Variants in IFIH1 observed in about 807,000 individuals in gnomAD.
The protein encoded by IFIH1 is interferon-induced helicase C domain-containing protein 1.
IFIH1 carries 125 observed loss-of-function variants against 107.4 expected under a neutral mutation model. That is an observed-to-expected ratio of 1.16 (90% CI 1.01 to 1.35). The LOEUF (loss-of-function observed/expected upper bound fraction) is 1.35. IFIH1 is among the 40% of genes most tolerant of loss of function. The probability of loss-of-function intolerance (pLI) is 0.00; values close to 1 mark genes in which losing one functional copy is unlikely to be tolerated. For synonymous variants in IFIH1, 458 were observed against 413.2 expected (o/e 1.11, Z -1.31); for missense variants, 1,333 against 1,213.7 (o/e 1.10, Z -1.46).
chr2:162,314,484 CT>C (rs557941465), intron 1 of IFIH1, among the ~76,000 whole-genome samples: 1 of 96,964 alleles, frequency 1.0e-5, no homozygotes, highest in South Asian at 2.9e-4. Flanking sequence ...TTCTTTCTTT[CT>C]TTTTCTTTCT....
Position 162,278,255 on chromosome 2 carries a change from T to C in IFIH1, c.1715A>G (p.Asp572Gly). The C allele has an allele frequency of 6.3e-7, 1 of 1,595,730 alleles. No homozygotes were observed. Among genetic ancestry groups the C allele is most frequent in the Non-Finnish European group, 8.6e-7 (1 of 1,168,170 alleles). The change falls in exon 9 of 16, where the codon GAT becomes GGT. Residue 572 changes from aspartate (D) to glycine (G), a missense_variant. By Grantham distance (94) the Asp-to-Gly change is moderately conservative (BLOSUM62 -1). Transcript: ENST00000649979. ...TTGTTCATAGGGTTGAGTTCCAAAATCTGACATTGGACTCATTTGACAATA... is the reference window on the plus strand; with the variant it reads ...TTGTTCATAGGGTTGAGTTCCAAAACCTGACATTGGACTCATTTGACAATA... ...QTYCQMSPMS[D>G]FGTQPYEQWA...
chr2:162,268,869 G>A (rs929244575), intron 13 of IFIH1, among the ~76,000 whole-genome samples: 5 of 152,146 alleles, frequency 3.3e-5, no homozygotes, highest in Admixed American at 2.6e-4. Flanking sequence ...GATTGCAGGT[G>A]TGAGCCACTG....
Position 162,277,529 on chromosome 2 carries a change from C to T in IFIH1, c.1930G>A (p.Asp644Asn), listed in dbSNP as rs1553459020. ...TCATCATCACCACCCTCATCACTAT[C>T]ATCTTCTATGACTGCAAACTTCTTA... ...KDKKFAVIED[D>N]SDEGGDDEYC... Residue 644 changes from aspartate to asparagine, a missense_variant, in exon 10 of 16, where the codon GAT becomes AAT. Transcript: ENST00000649979. 1.9e-6 allele frequency: 3 copies of T among 1,589,856 alleles called. No homozygotes were observed. Among genetic ancestry groups the T allele is most frequent in the Non-Finnish European group, 2.6e-6 (3 of 1,158,246 alleles).
At position 162,267,541 on chromosome 2, in the gene IFIH1, C is replaced by T. The variant is rs1990760; in HGVS notation, c.2836G>A (p.Ala946Thr). 898,693 of 1,609,886 alleles carry T rather than the reference C, an allele frequency of 0.56. 262,583 individuals carry two copies. Among genetic ancestry groups the T allele is most frequent in the Non-Finnish European group, 0.61 (716,055 of 1,176,270 alleles). Residue 946 changes from alanine to threonine, a missense_variant, in exon 15 of 16, where the codon GCA (alanine) becomes ACA (threonine). Transcript: ENST00000649979. ...KELYIVRENKALQKKCADYQI... is the reference protein window; with the variant it reads ...KELYIVRENKTLQKKCADYQI... ...TAGTCGGCACACTTCTTTTGCAGTG[C>T]TTTGTTTTCTCTTACAATGTAAAGT...
In IFIH1 at chr2:162,307,713, T is replaced by G. The variant is rs993402812; in HGVS notation, c.623-858A>C. On this transcript the variant is annotated intron_variant, in intron 2 of 15. Transcript: ENST00000649979. Reference sequence around the variant, plus strand: ...CTCATCTTAAAGAACCCAGTGAAAATGTGCCCCACTTTGTATGGAAAATTT... The same window carrying G: ...CTCATCTTAAAGAACCCAGTGAAAAGGTGCCCCACTTTGTATGGAAAATTT... 3.9e-5 allele frequency among the ~76,000 whole-genome samples: 6 copies of G among 152,194 alleles called. No homozygotes were observed. In the South Asian group the frequency reaches 1.2e-3, roughly 32 times the overall value.
In IFIH1 at chr2:162,293,572, C is replaced by A. The variant is rs1683036042; in HGVS notation, c.866G>T (p.Ser289Ile). 1.2e-6 allele frequency: 2 copies of A among 1,606,562 alleles called. No individual in the cohort carries two copies. The highest frequency in any genetic ancestry group is 2.7e-5 in the African/African-American group (2 of 74,668). ...CAACAGTTAGGCAGTACCTGAATCACTTCCCATGGTGCCTGAATCACTGCC... is the reference window on the plus strand; with the variant it reads ...CAACAGTTAGGCAGTACCTGAATCAATTCCCATGGTGCCTGAATCACTGCC... ...NMGSDSGTMG[S>I]DSDEENVAAR... The change falls in exon 4 of 16, where the codon AGT (serine) becomes ATT (isoleucine). Residue 289 changes from serine to isoleucine, a missense_variant. Physicochemically the swap from Ser to Ile is moderately radical, Grantham distance 142. Transcript: ENST00000649979.
chr2:162,273,057 C>T (rs1194996764), intron 12 of IFIH1, among the ~76,000 whole-genome samples: 1 of 152,102 alleles, frequency 6.6e-6, no homozygotes, highest in Non-Finnish European at 1.5e-5. Flanking sequence ...AAATTATTTG[C>T]TAATTTGATG....
intron 13 of IFIH1, among the ~76,000 whole-genome samples, chr2:162,270,074 T>C (rs928907947): frequency 6.6e-6 from 1 of 152,180 alleles, no homozygotes; most frequent in Non-Finnish European, 1.5e-5. Flanking sequence ...TATGGATTTG[T>C]AATCAGGACA....
rs2105230409 is a variant in IFIH1, at chr2:162,310,757, A to G, written c.622+8T>C. 1 of 1,611,100 alleles carries G rather than the reference A, an allele frequency of 6.2e-7. No homozygotes were observed. The highest frequency in any genetic ancestry group is 8.5e-7 in the Non-Finnish European group (1 of 1,177,638). On this transcript the variant is annotated splice_region_variant and intron_variant, in intron 2 of 15. Coordinates refer to ENST00000649979, the MANE Select transcript of IFIH1 (RefSeq NM_022168.4). ...TTGAAGAATCTTCCTCAGTAAAATT[A>G]CAAATACCTGCATTGCTTTCTGAGC...
At chr2:162,293,807 G>T (rs1219591169) in intron 3 of IFIH1, 139 bp from the exon 4 acceptor site, 6 of 550,564 alleles carry the variant, frequency 1.1e-5, no homozygotes, top group Non-Finnish European at 1.9e-5. Context: ...TGAATAAAAG[G>T]TAAGCGCTTC....
At chr2:162,271,090 T>C (rs1691026826) in intron 13 of IFIH1, among the ~76,000 whole-genome samples, 1 of 152,172 alleles carries the variant, frequency 6.6e-6, no homozygotes, top group African/African-American at 2.4e-5. Context: ...TGAAATACTA[T>C]AGAAATACAT....
At chr2:162,277,270 G>A in intron 10 of IFIH1, 145 bp downstream of exon 10, 1 of 635,196 alleles carries the variant, frequency 1.6e-6, no homozygotes, top group South Asian at 2.1e-5. Context: ...TAGCTAATCT[G>A]GTCATATCAT....
rs866291156 is a variant in IFIH1 at position 162,301,589 on chromosome 2, G to T, written c.769+5120C>A. ...TCCTAAAATAGTATAATGAAAAAAGGTTAATGTGAAGTAACTATTCACTTG... is the reference window on the plus strand; with the variant it reads ...TCCTAAAATAGTATAATGAAAAAAGTTTAATGTGAAGTAACTATTCACTTG... On this transcript the variant is annotated intron_variant, in intron 3 of 15. Transcript: ENST00000649979. 7.2e-5 allele frequency among the ~76,000 whole-genome samples: 11 copies of T among 152,318 alleles called. No individual in the cohort carries two copies. The Middle Eastern group carries it at 0.01, about 141-fold the overall frequency.
At chr2:162,286,572 T>G (rs145637474) in intron 5 of IFIH1, among the ~76,000 whole-genome samples, 1 of 151,954 alleles carries the variant, frequency 6.6e-6, no homozygotes, top group African/African-American at 2.4e-5. Flanking sequence ...GGGGGCTGCA[T>G]GCTTTGGAGG....
intron 13 of IFIH1, among the ~76,000 whole-genome samples, chr2:162,269,354 G>T (rs1054446714): frequency 2.0e-5 from 3 of 152,136 alleles, no homozygotes; most frequent in African/African-American, 7.2e-5. Context: ...TCGACCATGA[G>T]AATGAAAGCC....
chr2:162,315,434 A>G (rs1456994607), intron 1 of IFIH1, among the ~76,000 whole-genome samples: 2 of 152,214 alleles, frequency 1.3e-5, no homozygotes, highest in African/African-American at 4.8e-5. Flanking sequence ...CAATTGCGAC[A>G]TGGGGAATTT....
intron 1 of IFIH1, among the ~76,000 whole-genome samples, chr2:162,312,312 G>A (rs1448236599): frequency 6.6e-6 from 1 of 152,088 alleles, no homozygotes; most frequent in Non-Finnish European, 1.5e-5. Context: ...TTCCGTCTTA[G>A]CATCTAGTAG....
At chr2:162,272,142 G>A (rs1691051477) in intron 13 of IFIH1, 84 bp downstream of exon 13, 1 of 1,097,306 alleles carries the variant, frequency 9.1e-7, no homozygotes, top group Non-Finnish European at 1.4e-6. Context: ...ATTTTTGTCT[G>A]GAGAATGAGT....
At position 162,268,289 on chromosome 2, in the gene IFIH1, A is replaced by G; in HGVS notation, c.2617-12T>C. ...TGTAATTCCAAAATCTGGACAGAGA[A>G]AGGAATAGTTAGTGGTTTCAGGTTT... is the stretch of plus-strand genomic sequence containing the variant. On this transcript the variant is annotated splice_polypyrimidine_tract_variant and intron_variant, in intron 13 of 15. Transcript: ENST00000649979. 6.4e-7 allele frequency: 1 copy of G among 1,568,996 alleles called. No individual in the cohort carries two copies. Among genetic ancestry groups the G allele is most frequent in the Non-Finnish European group, 8.7e-7 (1 of 1,144,324 alleles).
Sources: gnomAD v4.1 joint callset for allele counts (sites outside exome capture counted in the v4.1 genomes callset) on GRCh38, gnomAD v4.1.1 for gene constraint, MANE v1.5 for transcripts, NCBI Gene and HGNC (gene_info 2026-07-23, HGNC 2026-07-21) for gene names.